Variants in CEP192 observed in about 807,000 individuals in gnomAD.
The protein encoded by CEP192 is centrosomal protein of 192 kDa.
In CEP192, 151 loss-of-function variants were observed where a neutral mutation model predicts 271.8. The observed-to-expected ratio is 0.56, with a 90% CI of 0.49 to 0.64. The LOEUF (loss-of-function observed/expected upper bound fraction) is 0.64, where lower values mean the gene tolerates loss of function less well. Ranked by LOEUF, CEP192 falls within the 30% of genes least tolerant of loss-of-function variation. The pLI is 0.00. For synonymous variants in CEP192, 995 were observed against 1,076.5 expected, an observed-to-expected ratio of 0.92 and a Z score of 1.48; for missense variants, 2,910 against 3,020.5, an observed-to-expected ratio of 0.96 and a Z score of 0.86.
intron 17 of CEP192, 36 bp downstream of exon 17, chr18:13,049,927 A>G (rs2036685972): frequency 1.3e-6 from 2 of 1,567,494 alleles, no homozygotes; most frequent in Non-Finnish European, 1.7e-6. Flanking sequence ...AAATAAAAAT[A>G]TGCGTTCAGT....
chr18:13,002,842 C>A, intron 3 of CEP192, among the ~76,000 whole-genome samples: 1 of 152,076 alleles, frequency 6.6e-6, no homozygotes. Flanking sequence ...AATGTCTATT[C>A]ATTACTTATA....
intron 1 of CEP192, among the ~76,000 whole-genome samples, chr18:12,995,618 G>A (rs1008163934): frequency 3.3e-5 from 5 of 152,176 alleles, no homozygotes; most frequent in African/African-American, 4.8e-5. Context: ...CCCTCATAGA[G>A]CTTACATTCT....
rs544553991 is a variant in CEP192, at chr18:13,006,196, A to G, written c.291-2260A>G. Among the ~76,000 whole-genome samples the G allele has an allele frequency of 2.6e-5, 4 of 151,542 alleles. No individual in the cohort carries two copies. The East Asian group carries it at 7.8e-4, about 29-fold the overall frequency. On this transcript the variant is annotated intron_variant, in intron 3 of 44. Transcript: ENST00000506447. ...TTTTAGTGCAAAAAGACATCGTTCT[A>G]GGTAAGTTTCTTTTTTTCTCATGCT... is the stretch of plus-strand genomic sequence containing the variant.
Position 13,096,713 on chromosome 18 carries a change from G to T in CEP192, c.6557+406G>T, listed in dbSNP as rs943755920. 3.3e-5 allele frequency among the ~76,000 whole-genome samples: 5 copies of T among 152,342 alleles called. No homozygotes were observed. The East Asian group carries it at 9.6e-4, about 29-fold the overall frequency. On this transcript the variant is annotated intron_variant, in intron 36 of 44. Coordinates refer to ENST00000506447, the MANE Select transcript of CEP192 (RefSeq NM_032142.4). ...GCCATTTCTTACCTTGGTTTGGGTT[G>T]TGTGTTCTGCTGGCTTTTTCTGAAT... is the stretch of plus-strand genomic sequence containing the variant.
At chr18:13,018,394 C>T (rs763909976) in intron 7 of CEP192, 86 bp from the exon 8 acceptor site, 9 of 776,344 alleles carry the variant, frequency 1.2e-5, no homozygotes, top group Non-Finnish European at 1.5e-5. Context: ...TATTTTCTGG[C>T]ATCCTTCAGT....
intron 21 of CEP192, among the ~76,000 whole-genome samples, chr18:13,061,823 A>G (rs1460752006): frequency 6.6e-6 from 1 of 152,186 alleles, no homozygotes; most frequent in Non-Finnish European, 1.5e-5. Context: ...ACTGGGTGTC[A>G]GTAATACCCT....
At chr18:13,114,018 A>T in intron 41 of CEP192, 112 bp from the exon 42 acceptor site, 2 of 1,276,136 alleles carry the variant, frequency 1.6e-6, no homozygotes, top group Non-Finnish European at 2.1e-6. Context: ...TAAAAATCTT[A>T]AATTGCCTTT....
chr18:13,081,110 G>T lies in CEP192; in HGVS notation c.5617-5907G>T, dbSNP rs866110200. 7.2e-5 allele frequency among the ~76,000 whole-genome samples: 11 copies of T among 152,150 alleles called. No homozygotes were observed. In the South Asian group the frequency reaches 2.1e-3, roughly 29 times the overall value. ...TGGATTAAAATTCTCTTTTTTTGTTGTGTCTTTGCCAGGCTTTGGTATCAG... is the reference window on the plus strand; with the variant it reads ...TGGATTAAAATTCTCTTTTTTTGTTTTGTCTTTGCCAGGCTTTGGTATCAG... On this transcript the variant is annotated intron_variant, in intron 30 of 44. Transcript: ENST00000506447.
rs771321483 is a variant in CEP192, at chr18:13,056,291, A to G, written c.3701A>G (p.His1234Arg). ...QCTPIPSSTV[H>R]SSVADMQNMP... The stretch of plus-strand genomic sequence containing the variant: ...ACTCCTATTCCCAGCAGCACAGTTC[A>G]CAGCTCTGTGGCTGACATGCAGAAC... Residue 1234 changes from histidine to arginine, a missense_variant, in exon 19 of 45, where the codon CAC (histidine) becomes CGC (arginine). By Grantham distance (29) the His-to-Arg change is conservative. Transcript: ENST00000506447. 6.2e-7 allele frequency: 1 copy of G among 1,614,098 alleles called. No homozygotes were observed. Among genetic ancestry groups the G allele is most frequent in the Non-Finnish European group, 8.5e-7 (1 of 1,179,952 alleles).
chr18:13,052,485 T>C (rs2036850688), intron 17 of CEP192, among the ~76,000 whole-genome samples: 1 of 152,194 alleles, frequency 6.6e-6, no homozygotes, highest in Non-Finnish European at 1.5e-5. Flanking sequence ...CTTTGATATG[T>C]ACTGCTTAAT....
At chr18:13,087,423 T>C in intron 31 of CEP192, 108 bp from the exon 32 acceptor site, 1 of 911,250 alleles carries the variant, frequency 1.1e-6, no homozygotes, top group Non-Finnish European at 1.6e-6. Context: ...GCCATGCGTA[T>C]GCACTTGTGT....
At chr18:13,109,975 A>G (rs1458185384) in intron 40 of CEP192, among the ~76,000 whole-genome samples, 3 of 152,216 alleles carry the variant, frequency 2.0e-5, no homozygotes, top group Admixed American at 6.5e-5. Context: ...TGCCTCTTTC[A>G]TGAACCCCTC....
At chr18:13,112,772 T>C (rs1163201017) in intron 40 of CEP192, among the ~76,000 whole-genome samples, 1 of 152,030 alleles carries the variant, frequency 6.6e-6, no homozygotes, top group Non-Finnish European at 1.5e-5. Context: ...GGCTGGGTTA[T>C]TATGTTTAAG....
chr18:13,120,318 T>G (rs2040605137), intron 44 of CEP192, among the ~76,000 whole-genome samples: 1 of 152,236 alleles, frequency 6.6e-6, no homozygotes, highest in Admixed American at 6.5e-5. Context: ...TTGCTTAGCT[T>G]CAACTTGTGT....
intron 21 of CEP192, among the ~76,000 whole-genome samples, chr18:13,066,110 C>T (rs114253879): frequency 3.3e-5 from 5 of 152,166 alleles, no homozygotes; most frequent in Non-Finnish European, 7.3e-5. Context: ...CTAAAGCAAA[C>T]TCCTTCAACT....
chr18:13,017,673 A>G (rs74675149), intron 7 of CEP192, among the ~76,000 whole-genome samples: 2,790 of 152,298 alleles, frequency 0.018, 84 homozygotes, highest in East Asian at 0.13. Context: ...AGAGTATGAC[A>G]TTTCACTCGA....
chr18:13,032,496 A>G (rs926250202), intron 11 of CEP192, among the ~76,000 whole-genome samples: 1 of 152,152 alleles, frequency 6.6e-6, no homozygotes, highest in Non-Finnish European at 1.5e-5. Context: ...AATGGTGGAT[A>G]TTTATCACTT....
chr18:13,034,339 G>A (rs1468303633), intron 11 of CEP192, among the ~76,000 whole-genome samples: 1 of 152,052 alleles, frequency 6.6e-6, no homozygotes, highest in Non-Finnish European at 1.5e-5. Flanking sequence ...GGTGGAGGTA[G>A]CATTAATGAA....
chr18:13,115,735 G>C (rs2040399197), intron 42 of CEP192, among the ~76,000 whole-genome samples: 1 of 151,592 alleles, frequency 6.6e-6, no homozygotes, highest in Non-Finnish European at 1.5e-5. Flanking sequence ...GGAGGATCAG[G>C]TTTGAGGACA....
Sources: allele counts gnomAD v4.1 joint callset (sites outside exome capture counted in the v4.1 genomes callset), GRCh38; gene constraint gnomAD v4.1.1; transcripts MANE v1.5; gene names NCBI Gene and HGNC (gene_info 2026-07-23, HGNC 2026-07-21).